The following NR3C2 variants were observed in gnomAD, a reference collection of about 807,000 sequenced individuals.
NR3C2 encodes nuclear receptor subfamily 3 group C member 2.
A neutral mutation model predicts 86.4 loss-of-function variants in NR3C2; 15 were observed. The observed-to-expected ratio is 0.17, with a 90% CI of 0.12 to 0.27. NR3C2 has a LOEUF of 0.27. Ranked by LOEUF, NR3C2 falls within the 10% of genes least tolerant of loss-of-function variation. NR3C2 has a pLI of 1.00. For synonymous variants in NR3C2, 458 were observed against 450.5 expected, an observed-to-expected ratio of 1.02 and a Z score of -0.21; for missense variants, 960 against 1,195.6, an observed-to-expected ratio of 0.80 and a Z score of 2.91.
Position 148,283,732 on chromosome 4 carries a change from A to G in NR3C2, c.1758-23615T>C, listed in dbSNP as rs989267870. 1.2e-4 allele frequency among the ~76,000 whole-genome samples: 18 copies of G among 152,262 alleles called. 1 individual carries two copies. Among genetic ancestry groups the G allele is most frequent in the South Asian group, 2.1e-4 (1 of 4,832 alleles). On this transcript the variant is annotated intron_variant, in intron 2 of 8. Transcript: ENST00000358102. ...TGCAACCTATATAATAAAAAATAAC[A>G]TAACTCATTACTTGGTTAATTCATA...
chr4:148,230,909 A>G (rs1738426612), intron 3 of NR3C2, among the ~76,000 whole-genome samples: 1 of 152,226 alleles, frequency 6.6e-6, no homozygotes, highest in Non-Finnish European at 1.5e-5. Context: ...ATGCTCAGCA[A>G]ATTCTCCAAA....
chr4:148,219,283 A>G (rs528116471), intron 3 of NR3C2, among the ~76,000 whole-genome samples: 1 of 152,296 alleles, frequency 6.6e-6, no homozygotes, highest in South Asian at 2.1e-4. Context: ...TAGATTATGC[A>G]CGTCTACTCA....
At chr4:148,303,864 T>C (rs1220464088) in intron 2 of NR3C2, among the ~76,000 whole-genome samples, 1 of 152,186 alleles carries the variant, frequency 6.6e-6, no homozygotes, top group Non-Finnish European at 1.5e-5. Flanking sequence ...AGGGCATACA[T>C]GGGTATGAGC....
chr4:148,427,464 G>C (rs537801211), intron 2 of NR3C2, among the ~76,000 whole-genome samples: 2 of 152,030 alleles, frequency 1.3e-5, no homozygotes, highest in Admixed American at 1.3e-4. Context: ...TTATAGTTGG[G>C]TCTATCAAGC....
intron 6 of NR3C2, among the ~76,000 whole-genome samples, chr4:148,121,335 G>C (rs947726685): frequency 6.6e-6 from 1 of 152,184 alleles, no homozygotes; most frequent in African/African-American, 2.4e-5. Context: ...CCAATTATAA[G>C]GAACCCATAA....
chr4:148,349,796 T>G (rs1365742111), intron 2 of NR3C2, among the ~76,000 whole-genome samples: 1 of 152,208 alleles, frequency 6.6e-6, no homozygotes, highest in Non-Finnish European at 1.5e-5. Context: ...GCTAAATTTC[T>G]TTGAGTCTCC....
At chr4:148,444,767 C>A (rs1750505885), upstream of NR3C2, 2 of 984,670 alleles carry the variant, frequency 2.0e-6, no homozygotes, top group African/African-American at 3.5e-5. Flanking sequence ...CGCGGGCACC[C>A]GCCCGCCCCC....
chr4:148,228,886 GGCAGGAAAGAAAGGCAAACTATCC>G (rs1240093683), intron 3 of NR3C2, among the ~76,000 whole-genome samples: 11 of 152,174 alleles, frequency 7.2e-5, no homozygotes, highest in Admixed American at 4.6e-4. Flanking sequence ...CCAGACTGCC[GGCAGGAAAGAAAGGCAAACTATCC>G]GCAGGAAAGA....
intron 2 of NR3C2, among the ~76,000 whole-genome samples, chr4:148,409,142 C>T (rs1748565434): frequency 6.6e-6 from 1 of 152,200 alleles, no homozygotes; most frequent in Admixed American, 6.5e-5. Context: ...TAGCATATTG[C>T]CAAACGGCTT....
Position 148,436,650 on chromosome 4 carries a change from G to GTA in NR3C2, c.209_210dup (p.Leu71TyrfsTer15). ...TTATTGTCTTGCTGAAGGCAAGGGAGTAGTTCTTGTTTTTCTTTGCTGCTT... is the reference window on the plus strand; with the variant it reads ...TTATTGTCTTGCTGAAGGCAAGGGAGTATAGTTCTTGTTTTTCTTTGCTGCTT... On this transcript the variant is annotated frameshift_variant, in exon 2 of 9. Coordinates refer to ENST00000358102, the MANE Select transcript of NR3C2 (RefSeq NM_000901.5). 1 of 1,614,194 alleles carries GTA rather than the reference G, an allele frequency of 6.2e-7. No individual in the cohort carries two copies. Among genetic ancestry groups the GTA allele is most frequent in the Non-Finnish European group, 8.5e-7 (1 of 1,180,042 alleles).
intron 6 of NR3C2, among the ~76,000 whole-genome samples, chr4:148,140,990 T>C (rs913532954): frequency 6.6e-6 from 1 of 152,206 alleles, no homozygotes; most frequent in Non-Finnish European, 1.5e-5. Context: ...TTTAAAGAAG[T>C]CTGCAAAACT....
At chr4:148,199,989 G>T (rs893463892) in intron 3 of NR3C2, among the ~76,000 whole-genome samples, 1 of 152,204 alleles carries the variant, frequency 6.6e-6, no homozygotes, top group African/African-American at 2.4e-5. Context: ...AAAGCATCTG[G>T]CATAAGCCTT....
At chr4:148,366,580 A>G (rs1008239149) in intron 2 of NR3C2, among the ~76,000 whole-genome samples, 11 of 43,796 alleles carry the variant, frequency 2.5e-4, no homozygotes, top group African/African-American at 8.2e-4. Flanking sequence ...CCAATTCAAC[A>G]AAGTCTAAAT....
At chr4:148,253,296 A>C (rs916517572) in intron 3 of NR3C2, among the ~76,000 whole-genome samples, 1 of 152,204 alleles carries the variant, frequency 6.6e-6, no homozygotes, top group African/African-American at 2.4e-5. Context: ...ATTAACATTC[A>C]TAATAATCAA....
Position 148,429,587 on chromosome 4 carries a change from A to G in NR3C2, c.1757+5517T>C, listed in dbSNP as rs559194251. Among the ~76,000 whole-genome samples, 3 of 152,362 alleles carry G rather than the reference A, an allele frequency of 2.0e-5. No individual in the cohort carries two copies. The South Asian group carries it at 6.2e-4, about 32-fold the overall frequency. ...AGAAGTTTCTAGAGCATAAATTAAC[A>G]AGTGCTTATATGTAATTACATTTTA... On this transcript the variant is annotated intron_variant, in intron 2 of 8. Transcript: ENST00000358102.
rs1044326747 is a variant in NR3C2 at position 148,152,573 on chromosome 4, G to A, written c.2406C>T (p.Ile802=). Residue 802 remains isoleucine, a synonymous_variant, in exon 6 of 9, where the codon ATC becomes ATT. Coordinates refer to ENST00000358102, the MANE Select transcript of NR3C2 (RefSeq NM_000901.5). Reference sequence around the variant, plus strand: ...ATGATAGACACATCCAAGAATACTGGATTAGGGTAATTTGGTCCTCAAGAG... The same window carrying A: ...ATGATAGACACATCCAAGAATACTGAATTAGGGTAATTTGGTCCTCAAGAG... ...NLPLEDQITL[I]QYSWMCLSSF... 1.2e-5 allele frequency: 19 copies of A among 1,613,964 alleles called. 1 individual carries two copies. The highest frequency in any genetic ancestry group is 8.5e-7 in the Non-Finnish European group (1 of 1,179,950).
chr4:148,324,346 TG>T (rs2149959353), intron 2 of NR3C2, among the ~76,000 whole-genome samples: 5 of 91,966 alleles, frequency 5.4e-5, no homozygotes, highest in Non-Finnish European at 1.0e-4. Context: ...TGTGTGTGTG[TG>T]TGTGTGTGTG....
intron 2 of NR3C2, among the ~76,000 whole-genome samples, chr4:148,380,187 T>C (rs1181994655): frequency 6.6e-6 from 1 of 152,222 alleles, no homozygotes; most frequent in Non-Finnish European, 1.5e-5. Context: ...AACTATGCAG[T>C]ACTTCACATA....
At chr4:148,215,198 T>G (rs72653886) in intron 3 of NR3C2, among the ~76,000 whole-genome samples, 80 of 152,376 alleles carry the variant, frequency 5.3e-4, no homozygotes, top group Non-Finnish European at 9.4e-4. Flanking sequence ...AATACAGGCA[T>G]GTCCCTGAAT....
Sources: allele counts gnomAD v4.1 joint callset (sites outside exome capture counted in the v4.1 genomes callset), GRCh38; gene constraint gnomAD v4.1.1; transcripts MANE v1.5; gene names NCBI Gene and HGNC (gene_info 2026-07-23, HGNC 2026-07-21).